TMTC1: variants seen among roughly 807,000 people sequenced by gnomAD.
TMTC1 encodes transmembrane O-mannosyltransferase targeting cadherins 1, also known as protein O-mannosyl-transferase TMTC1.
A neutral mutation model predicts 104.8 loss-of-function variants in TMTC1; 73 were observed. The observed-to-expected ratio is 0.70, with a 90% CI of 0.58 to 0.85. The LOEUF is 0.85. Ranked by LOEUF, TMTC1 falls within the 40% of genes least tolerant of loss-of-function variation. The pLI is 0.00. For missense variants in TMTC1, 1,035 were observed against 1,096.1 expected, an observed-to-expected ratio of 0.94 and a Z score of 0.79; for synonymous variants, 434 against 428.7, an observed-to-expected ratio of 1.01 and a Z score of -0.15.
chr12:29,611,638 A>G (rs1466148149), intron 6 of TMTC1, among the ~76,000 whole-genome samples: 2 of 152,210 alleles, frequency 1.3e-5, no homozygotes, highest in Non-Finnish European at 2.9e-5. Flanking sequence ...AACTTTCTTT[A>G]TTTTTGTGGT....
chr12:29,506,778 G>A lies in TMTC1; in HGVS notation c.*68C>T, dbSNP rs553446699. On this transcript the variant is annotated 3_prime_UTR_variant, in exon 18 of 18. Transcript: ENST00000539277. ...TAGTTGTGCCCCTGCTGATGTGAAAGCAAGGCTTCCATCACTCCCCTTTCA... is the reference window on the plus strand; with the variant it reads ...TAGTTGTGCCCCTGCTGATGTGAAAACAAGGCTTCCATCACTCCCCTTTCA... 6.5e-5 allele frequency: 103 copies of A among 1,586,254 alleles called. No homozygotes were observed. In the African/African-American group the frequency reaches 1.3e-3, roughly 19 times the overall value.
intron 6 of TMTC1, among the ~76,000 whole-genome samples, chr12:29,632,300 T>G (rs1283491685): frequency 6.6e-6 from 1 of 152,208 alleles, no homozygotes; most frequent in Non-Finnish European, 1.5e-5. Flanking sequence ...ATTTTCAAGT[T>G]CTTTGCTGAA....
At chr12:29,665,905 A>C (rs1940256998) in intron 5 of TMTC1, among the ~76,000 whole-genome samples, 1 of 152,114 alleles carries the variant, frequency 6.6e-6, no homozygotes, top group Non-Finnish European at 1.5e-5. Context: ...TCCCTTATTC[A>C]TGATGTTTTC....
In TMTC1 at chr12:29,514,536, A is replaced by G; in HGVS notation, c.2376T>C (p.Phe792=). The G allele has an allele frequency of 6.2e-7, 1 of 1,614,130 alleles. No individual in the cohort carries two copies. The highest frequency in any genetic ancestry group is 8.5e-7 in the Non-Finnish European group (1 of 1,180,006). The change falls in exon 16 of 18, where the codon TTT becomes TTC. Residue 792 remains phenylalanine, a synonymous_variant. Coordinates refer to ENST00000539277, the MANE Select transcript of TMTC1 (RefSeq NM_001193451.2). The part of the protein sequence containing the change: ...PKDPKVISEL[F]FTKGNQLREQ... ...CTCTTAATTGGTTTCCTTTTGTGAA[A>G]AAAAGTTCAGAAATGACTTTTGGGT... is the stretch of plus-strand genomic sequence containing the variant.
intron 5 of TMTC1, among the ~76,000 whole-genome samples, chr12:29,727,388 T>TTTATTTTTATTTTTATTTATTTAA (rs1942424524): frequency 1.3e-5 from 2 of 151,888 alleles, no homozygotes; most frequent in Non-Finnish European, 2.9e-5. Context: ...TATTTATTTA[T>TTTATTTTTATTTTTATTTATTTAA]TTTTTTGAGA....
At chr12:29,735,633 C>A (rs1942652146) in intron 5 of TMTC1, among the ~76,000 whole-genome samples, 1 of 152,106 alleles carries the variant, frequency 6.6e-6, no homozygotes, top group Non-Finnish European at 1.5e-5. Flanking sequence ...TGAAGCAGGG[C>A]CATTTCATAA....
chr12:29,685,770 T>A (rs75263907), intron 5 of TMTC1, among the ~76,000 whole-genome samples: 21,020 of 151,972 alleles, frequency 0.14, 1,733 homozygotes, highest in East Asian at 0.34. Context: ...ACCAAGAGCC[T>A]CAATACCAAG....
intron 17 of TMTC1, among the ~76,000 whole-genome samples, chr12:29,507,690 C>T (rs1329896449): frequency 1.3e-5 from 2 of 152,180 alleles, no homozygotes; most frequent in East Asian, 3.8e-4. Flanking sequence ...CAACTAGCAA[C>T]CATGTGTGCC....
At chr12:29,528,360 C>T (rs968043499) in intron 11 of TMTC1, among the ~76,000 whole-genome samples, 7 of 152,122 alleles carry the variant, frequency 4.6e-5, no homozygotes, top group Non-Finnish European at 1.0e-4. Flanking sequence ...TGCTGTACAC[C>T]AGAGTCCCCA....
chr12:29,514,622 T>A lies in TMTC1; in HGVS notation c.2308-18A>T. On this transcript the variant is annotated intron_variant, in intron 15 of 17. Transcript: ENST00000539277. Reference sequence around the variant, plus strand: ...TCAAGTGCCTGCAGAGGTTGGAAATTAAGACAGAATAAATGCAGATTAGGT... The same window carrying A: ...TCAAGTGCCTGCAGAGGTTGGAAATAAAGACAGAATAAATGCAGATTAGGT... 1 of 1,597,800 alleles carries A rather than the reference T, an allele frequency of 6.3e-7. No homozygotes were observed. The highest frequency in any genetic ancestry group is 8.5e-7 in the Non-Finnish European group (1 of 1,175,764).
At chr12:29,695,840 A>G (rs1028899981) in intron 5 of TMTC1, among the ~76,000 whole-genome samples, 9 of 104,978 alleles carry the variant, frequency 8.6e-5, no homozygotes, top group Non-Finnish European at 1.8e-4. Flanking sequence ...ACCTGTCTTC[A>G]ACCTAAATTA....
intron 15 of TMTC1, among the ~76,000 whole-genome samples, chr12:29,515,194 C>T (rs1246571669): frequency 3.3e-5 from 5 of 152,084 alleles, no homozygotes; most frequent in South Asian, 2.1e-4. Context: ...TGGCATCAGA[C>T]GTTTTCCCTG....
At chr12:29,738,382 C>T (rs1591994193) in intron 5 of TMTC1, among the ~76,000 whole-genome samples, 2 of 152,252 alleles carry the variant, frequency 1.3e-5, no homozygotes, top group African/African-American at 2.4e-5. Context: ...ACGTGAATAC[C>T]GAACTTTGTT....
intron 9 of TMTC1, among the ~76,000 whole-genome samples, chr12:29,570,799 G>A (rs571857693): frequency 2.5e-4 from 37 of 150,468 alleles, no homozygotes; most frequent in African/African-American, 8.3e-4. Context: ...AACCAAGATC[G>A]TGCCACTGCA....
chr12:29,683,235 A>G (rs1940980268), intron 5 of TMTC1, among the ~76,000 whole-genome samples: 1 of 152,168 alleles, frequency 6.6e-6, no homozygotes. Flanking sequence ...TTTAATGTAC[A>G]ATACCAGGTT....
chr12:29,689,587 C>T (rs748739489), intron 5 of TMTC1, among the ~76,000 whole-genome samples: 4 of 152,192 alleles, frequency 2.6e-5, no homozygotes, highest in Non-Finnish European at 5.9e-5. Flanking sequence ...CTGAATTTTA[C>T]TCTAATTTCT....
intron 7 of TMTC1, 84 bp from the exon 8 acceptor site, chr12:29,583,658 C>T: frequency 1.6e-6 from 2 of 1,280,752 alleles, no homozygotes; most frequent in Non-Finnish European, 2.2e-6. Flanking sequence ...AACTAACTTT[C>T]AAATGAAGCT....
intron 5 of TMTC1, among the ~76,000 whole-genome samples, chr12:29,716,949 A>G (rs2136865943): frequency 6.6e-6 from 1 of 152,270 alleles, no homozygotes; most frequent in East Asian, 1.9e-4. Context: ...TGGGAGGTGG[A>G]GCTTGCAGTG....
chr12:29,611,739 C>T lies in TMTC1; in HGVS notation c.1129-7440G>A, dbSNP rs538630681. 4.6e-5 allele frequency among the ~76,000 whole-genome samples: 7 copies of T among 152,198 alleles called. No individual in the cohort carries two copies. In the South Asian group the frequency reaches 6.2e-4, roughly 14 times the overall value. On this transcript the variant is annotated intron_variant, in intron 6 of 17. Coordinates refer to ENST00000539277, the MANE Select transcript of TMTC1 (RefSeq NM_001193451.2). The stretch of plus-strand genomic sequence containing the variant: ...TAAAGAGATGGGGGAGAGCTGTAAG[C>T]GAAGACATCTTTGAAAGTCTGGTTT...
Sources: gnomAD v4.1 joint callset for allele counts (sites outside exome capture counted in the v4.1 genomes callset) on GRCh38, gnomAD v4.1.1 for gene constraint, MANE v1.5 for transcripts, NCBI Gene and HGNC (gene_info 2026-07-23, HGNC 2026-07-21) for gene names.